Variants in SDK1 observed in about 807,000 individuals in gnomAD.
SDK1 encodes protein sidekick-1.
Under a neutral mutation model 245.5 loss-of-function variants are expected in SDK1, and 157 were observed. The observed-to-expected ratio is 0.64, with a 90% CI of 0.56 to 0.73. The LOEUF (loss-of-function observed/expected upper bound fraction) is 0.73, where lower values mean the gene tolerates loss of function less well. Among genes scored for constraint, SDK1 ranks in the 30% least tolerant of loss-of-function variants. The probability of loss-of-function intolerance (pLI) is 0.00; values close to 1 mark genes in which losing one functional copy is unlikely to be tolerated. For synonymous variants in SDK1, 1,647 were observed against 1,278.5 expected, an observed-to-expected ratio of 1.29 and a Z score of -6.15; for missense variants, 3,583 against 3,002.3, an observed-to-expected ratio of 1.19 and a Z score of -4.52.
intron 40 of SDK1, among the ~76,000 whole-genome samples, chr7:4,227,874 A>G (rs973032017): frequency 2.6e-5 from 4 of 152,158 alleles, no homozygotes; most frequent in Non-Finnish European, 5.9e-5. Context: ...TGTGCCTCCT[A>G]CCGCTTGGGC....
At chr7:3,530,141 T>C (rs1198116957) in intron 1 of SDK1, among the ~76,000 whole-genome samples, 1 of 152,176 alleles carries the variant, frequency 6.6e-6, no homozygotes, top group African/African-American at 2.4e-5. Context: ...ACACTAGTCA[T>C]ACATAAAAAG....
intron 5 of SDK1, among the ~76,000 whole-genome samples, chr7:3,883,266 G>C (rs908344132): frequency 6.6e-6 from 1 of 152,226 alleles, no homozygotes; most frequent in Non-Finnish European, 1.5e-5. Flanking sequence ...AGGGGGAAAA[G>C]AGGTTTCTTA....
intron 22 of SDK1, among the ~76,000 whole-genome samples, chr7:4,085,798 G>A (rs58685493): frequency 0.032 from 4,793 of 151,906 alleles, 237 homozygotes; most frequent in African/African-American, 0.1. Flanking sequence ...CAAGTGATCC[G>A]CCCGCCTCAG....
At chr7:3,404,505 C>G (rs574441559) in intron 1 of SDK1, among the ~76,000 whole-genome samples, 4 of 152,196 alleles carry the variant, frequency 2.6e-5, no homozygotes, top group South Asian at 2.1e-4. Flanking sequence ...CTTTTGTCAT[C>G]TAAACAACTT....
At chr7:4,048,622 A>T (rs1789203761) in intron 17 of SDK1, among the ~76,000 whole-genome samples, 1 of 151,940 alleles carries the variant, frequency 6.6e-6, no homozygotes, top group South Asian at 2.1e-4. Flanking sequence ...TTCCTCCCAA[A>T]CACAGTCCAG....
intron 1 of SDK1, among the ~76,000 whole-genome samples, chr7:3,414,362 G>T (rs1163289879): frequency 6.6e-6 from 1 of 152,086 alleles, no homozygotes; most frequent in Non-Finnish European, 1.5e-5. Context: ...TAGAAATGGG[G>T]CATCTGAGAA....
chr7:3,771,545 T>G (rs1780405900), intron 4 of SDK1, among the ~76,000 whole-genome samples: 1 of 152,210 alleles, frequency 6.6e-6, no homozygotes, highest in Non-Finnish European at 1.5e-5. Context: ...TGTACTTTGG[T>G]TACAGGGACT....
intron 40 of SDK1, among the ~76,000 whole-genome samples, chr7:4,231,266 A>T (rs1785741558): frequency 6.6e-6 from 1 of 152,142 alleles, no homozygotes; most frequent in Admixed American, 6.5e-5. Flanking sequence ...TGTAAATGAG[A>T]ATATTTAGAA....
chr7:3,759,886 C>T (rs757599345), intron 4 of SDK1, among the ~76,000 whole-genome samples: 10 of 152,132 alleles, frequency 6.6e-5, no homozygotes, highest in Non-Finnish European at 1.0e-4. Context: ...AGCCACTGTG[C>T]CCAGGCTTTT....
chr7:4,041,234 GA>G (rs1788610682), intron 17 of SDK1, among the ~76,000 whole-genome samples: 1 of 151,974 alleles, frequency 6.6e-6, no homozygotes. Context: ...ATCCTCTCAA[GA>G]GAGTTACCGG....
At position 4,113,344 on chromosome 7, in the gene SDK1, C is replaced by T. The variant is rs374397420; in HGVS notation, c.3490C>T (p.Arg1164Trp). The T allele has an allele frequency of 7.4e-6, 12 of 1,613,832 alleles. No homozygotes were observed. Among genetic ancestry groups the T allele is most frequent in the Admixed American group, 1.7e-5 (1 of 59,996 alleles). Residue 1164 changes from arginine to tryptophan, a missense_variant, in exon 24 of 45, where the codon CGG becomes TGG. Coordinates refer to ENST00000404826, the MANE Select transcript of SDK1 (RefSeq NM_152744.4). ...VGPSPYSPSS[R>W]VIQTLQAPPD... Reference sequence around the variant, plus strand: ...GCCGAGCCCCTACAGTCCGTCTTCCCGGGTCATCCAGACCCTGCAGGCCCC... The same window carrying T: ...GCCGAGCCCCTACAGTCCGTCTTCCTGGGTCATCCAGACCCTGCAGGCCCC...
At chr7:4,012,549 CTTTTTTTTTTTTTTTTTTTTTTTTTTTTT>C (rs777199429) in intron 16 of SDK1, among the ~76,000 whole-genome samples, 7 of 25,960 alleles carry the variant, frequency 2.7e-4, no homozygotes, top group South Asian at 1.9e-3. Flanking sequence ...CAATGTGAAG[CTTTTTTTTTTTTTTTTTTTTTTTTTTTTT>C]TTTTTTTTTT....
At chr7:3,964,927 A>G (rs928264923) in intron 9 of SDK1, among the ~76,000 whole-genome samples, 5 of 152,226 alleles carry the variant, frequency 3.3e-5, no homozygotes, top group African/African-American at 9.6e-5. Context: ...TAGGAAACCA[A>G]TATTGCTTCA....
At chr7:3,942,338 C>G (rs1780399191) in intron 5 of SDK1, among the ~76,000 whole-genome samples, 1 of 152,202 alleles carries the variant, frequency 6.6e-6, no homozygotes, top group Admixed American at 6.5e-5. Flanking sequence ...CAGGTAATGA[C>G]TCTGCAGAGA....
chr7:3,504,882 T>C (rs543318039), intron 1 of SDK1, among the ~76,000 whole-genome samples: 15 of 152,056 alleles, frequency 9.9e-5, no homozygotes, highest in African/African-American at 3.6e-4. Flanking sequence ...ACAATTAATA[T>C]ATGACCTAGC....
At chr7:3,993,064 T>A (rs962303144) in intron 14 of SDK1, among the ~76,000 whole-genome samples, 1 of 152,254 alleles carries the variant, frequency 6.6e-6, no homozygotes, top group Non-Finnish European at 1.5e-5. Flanking sequence ...CTAAAATCTT[T>A]GATACATGTT....
intron 4 of SDK1, among the ~76,000 whole-genome samples, chr7:3,722,540 TG>T (rs1778846854): frequency 6.6e-6 from 1 of 152,166 alleles, no homozygotes; most frequent in African/African-American, 2.4e-5. Flanking sequence ...CCTGTATCTA[TG>T]TCCCTGTGCT....
chr7:4,225,206 T>G (rs1298882611), intron 40 of SDK1, among the ~76,000 whole-genome samples: 2 of 152,080 alleles, frequency 1.3e-5, no homozygotes, highest in African/African-American at 4.8e-5. Flanking sequence ...AGCACAGTTT[T>G]GCAGGATGTT....
At chr7:3,934,690 C>T (rs894082547) in intron 5 of SDK1, among the ~76,000 whole-genome samples, 1 of 152,212 alleles carries the variant, frequency 6.6e-6, no homozygotes, top group Non-Finnish European at 1.5e-5. Context: ...GGAGTGGGGC[C>T]GATAAGCACG....
Sources: allele counts gnomAD v4.1 joint callset (sites outside exome capture counted in the v4.1 genomes callset), GRCh38; gene constraint gnomAD v4.1.1; transcripts MANE v1.5; gene names NCBI Gene and HGNC (gene_info 2026-07-23, HGNC 2026-07-21).